Variants in MADD observed in about 807,000 individuals in gnomAD.
The protein encoded by MADD is MAP kinase activating death domain.
A neutral mutation model predicts 176.7 loss-of-function variants in MADD; 109 were observed. The ratio of observed to expected loss-of-function variants is 0.62; its 90% CI spans 0.53 to 0.72. The LOEUF (loss-of-function observed/expected upper bound fraction) is 0.72, where lower values mean the gene tolerates loss of function less well. Ranked by LOEUF, MADD falls within the 30% of genes least tolerant of loss-of-function variation. The probability of loss-of-function intolerance (pLI) is 0.00; values close to 1 mark genes in which losing one functional copy is unlikely to be tolerated. For synonymous variants in MADD, 771 were observed against 771.3 expected (o/e 1.00, Z 0.01); for missense variants, 1,914 against 2,045.5 (o/e 0.94, Z 1.24).
At chr11:47,311,469 A>C (rs180973236) in intron 25 of MADD, among the ~76,000 whole-genome samples, 65 of 152,230 alleles carry the variant, frequency 4.3e-4, no homozygotes, top group Non-Finnish European at 7.8e-4. Context: ...TTGAGTGGGG[A>C]TAGGGAGAAA....
intron 22 of MADD, among the ~76,000 whole-genome samples, chr11:47,299,420 G>A (rs1157726533): frequency 2.0e-5 from 3 of 151,362 alleles, no homozygotes; most frequent in Non-Finnish European, 4.4e-5. Context: ...TATTCTTAGG[G>A]CATTAATTTG....
chr11:47,294,067 C>A, intron 20 of MADD, 84 bp downstream of exon 22: 1 of 1,123,998 alleles, frequency 8.9e-7, no homozygotes, highest in Non-Finnish European at 1.3e-6. Flanking sequence ...AACAGTCAGA[C>A]AGCCGGGCAC....
intron 1 of MADD, among the ~76,000 whole-genome samples, 167 bp downstream of exon 1, chr11:47,270,413 C>T (rs542703915): frequency 0.012 from 1,138 of 91,802 alleles, 12 homozygotes; most frequent in African/African-American, 0.044. Context: ...GGGGCGGGGA[C>T]GGGGATGGGG....
At chr11:47,319,368 A>G (rs2093937886) in intron 27 of MADD, among the ~76,000 whole-genome samples, 1 of 151,968 alleles carries the variant, frequency 6.6e-6, no homozygotes, top group Non-Finnish European at 1.5e-5. Flanking sequence ...CCTGACCTTA[A>G]GTGATCCGTC....
At chr11:47,303,264 C>T (rs1372067220) in intron 22 of MADD, among the ~76,000 whole-genome samples, 25 of 111,212 alleles carry the variant, frequency 2.2e-4, no homozygotes, top group Non-Finnish European at 3.1e-4. Flanking sequence ...TTTTTTGAGA[C>T]GGAGTCTCAC....
chr11:47,274,271 TTGG>T (rs2047762707), intron 2 of MADD, among the ~76,000 whole-genome samples: 1 of 152,244 alleles, frequency 6.6e-6, no homozygotes, highest in Non-Finnish European at 1.5e-5. Context: ...GTATACTTTT[TTGG>T]TAATTTATTA....
chr11:47,271,386 T>A (rs1282401880), intron 1 of MADD, among the ~76,000 whole-genome samples: 2 of 152,208 alleles, frequency 1.3e-5, no homozygotes, highest in Non-Finnish European at 2.9e-5. Context: ...TGGCTGCTGA[T>A]CAGATGTGAA....
At chr11:47,284,907 C>T (rs779838590) in intron 12 of MADD, 34 bp from the exon 13 acceptor site, 2 of 1,610,246 alleles carry the variant, frequency 1.2e-6, no homozygotes, top group Non-Finnish European at 1.7e-6. Flanking sequence ...CATTGGGCAC[C>T]AGGTAACCAC....
intron 23 of MADD, 40 bp downstream of exon 25, chr11:47,308,739 G>T: frequency 1.3e-6 from 2 of 1,533,690 alleles, no homozygotes; most frequent in South Asian, 2.3e-5. Context: ...ACTGGAGAAA[G>T]CTGACTCAGC....
chr11:47,319,802 C>G (rs1489669472), intron 27 of MADD, among the ~76,000 whole-genome samples: 3 of 151,780 alleles, frequency 2.0e-5, no homozygotes, highest in Non-Finnish European at 4.4e-5. Context: ...ACAAGCCTAG[C>G]CAACGTGGTG....
rs1487967019 is a variant in MADD at position 47,309,299 on chromosome 11, T to A, written c.3770T>A (p.Leu1257Ter). ...TATGCAGGCAAAGAGCGTTCTACTT[T>A]ATGGGACCAAATGCAATTCTGGGAA... Residue 1257 changes from leucine (L) to a stop codon, truncating the protein, a stop_gained, in exon 24 of 33, where the codon TTA becomes TAA. Coordinates refer to ENST00000402192, the Ensembl canonical transcript of MADD. LOFTEE classifies it high-confidence loss of function. 1.2e-6 allele frequency: 2 copies of A among 1,614,220 alleles called. No individual in the cohort carries two copies. Among genetic ancestry groups the A allele is most frequent in the South Asian group, 2.2e-5 (2 of 91,088 alleles).
exon 3 of MADD, chr11:47,275,032 T>G (rs771532226): frequency 6.2e-7 from 1 of 1,614,262 alleles, no homozygotes; most frequent in South Asian, 1.1e-5. Flanking sequence ...CACGTCCCTG[T>G]GCGTGCTCAG....
chr11:47,277,230 CG>C (rs1371405159), intron 5 of MADD, among the ~76,000 whole-genome samples: 4 of 152,092 alleles, frequency 2.6e-5, no homozygotes, highest in African/African-American at 9.7e-5. Flanking sequence ...ACATATATAC[CG>C]GTGATACCGT....
chr11:47,303,239 GTTT>G (rs35658298), intron 22 of MADD, among the ~76,000 whole-genome samples: 45 of 108,130 alleles, frequency 4.2e-4, no homozygotes, highest in East Asian at 1.2e-3. Context: ...TTCTCTTGCT[GTTT>G]TTTTTTTTTT....
intron 15 of MADD, among the ~76,000 whole-genome samples, chr11:47,287,079 A>C (rs1410885407): frequency 6.6e-6 from 1 of 152,198 alleles, no homozygotes; most frequent in Admixed American, 6.5e-5. Context: ...TAATCCCAGC[A>C]CTTTGGGAGG....
chr11:47,281,380 G>A (rs2056564975), intron 7 of MADD, among the ~76,000 whole-genome samples, 195 bp from the exon 8 acceptor site: 1 of 152,160 alleles, frequency 6.6e-6, no homozygotes, highest in South Asian at 2.1e-4. Flanking sequence ...TAGAATATTG[G>A]GATTTTTATT....
At chr11:47,281,147 G>A (rs945279207) in intron 7 of MADD, among the ~76,000 whole-genome samples, 1 of 152,176 alleles carries the variant, frequency 6.6e-6, no homozygotes, top group African/African-American at 2.4e-5. Flanking sequence ...ATTTAGCTTG[G>A]GAGCCCTGAG....
In MADD at chr11:47,295,953, AG is replaced by A. The variant is rs1565420213; in HGVS notation, c.3542del (p.Gly1181ValfsTer40). 2 of 1,614,110 alleles carry A rather than the reference AG, an allele frequency of 1.2e-6. No homozygotes were observed. The highest frequency in any genetic ancestry group is 1.7e-6 in the Non-Finnish European group (2 of 1,180,014). ...CTGACAGTGACTTGAGCAGCAATGC[AG>A]GTGATGGACCAGGTGGCGAGGGCAG... On this transcript the variant is annotated frameshift_variant, in exon 22 of 33. Transcript: ENST00000402192. LOFTEE classifies it high-confidence loss of function.
chr11:47,294,487 T>C (rs2139087969), intron 20 of MADD, among the ~76,000 whole-genome samples: 1 of 151,974 alleles, frequency 6.6e-6, no homozygotes, highest in East Asian at 1.9e-4. Context: ...CTGGCCAACG[T>C]AGTGAAACCC....
Sources: gnomAD v4.1 joint callset for allele counts (sites outside exome capture counted in the v4.1 genomes callset) on GRCh38, gnomAD v4.1.1 for gene constraint, MANE v1.5 for transcripts, NCBI Gene and HGNC (gene_info 2026-07-23, HGNC 2026-07-21) for gene names.